DPP6: variants seen among roughly 807,000 people sequenced by gnomAD.
DPP6 encodes the protein dipeptidyl peptidase like 6, also known as A-type potassium channel modulatory protein DPP6.
A neutral mutation model predicts 122.6 loss-of-function variants in DPP6; 69 were observed. The ratio of observed to expected loss-of-function variants is 0.56; its 90% CI spans 0.46 to 0.69. The LOEUF is 0.69. Among genes scored for constraint, DPP6 ranks in the 30% least tolerant of loss-of-function variants. The probability of loss-of-function intolerance (pLI) is 0.00; values close to 1 mark genes in which losing one functional copy is unlikely to be tolerated. For missense variants in DPP6, 928 were observed against 1,116.9 expected (o/e 0.83, Z 2.41); for synonymous variants, 418 against 433.1 (o/e 0.97, Z 0.43).
chr7:153,798,804 C>T, the DPP6 span, among the ~76,000 whole-genome samples: 3 of 152,126 alleles, frequency 2.0e-5, no homozygotes, highest in Admixed American at 6.5e-5. Flanking sequence ...ATTAGACAGT[C>T]CCACTGGGGG....
chr7:154,227,475 A>G (rs112901252), intron 1 of DPP6, among the ~76,000 whole-genome samples: 3 of 152,212 alleles, frequency 2.0e-5, no homozygotes, highest in Admixed American at 6.5e-5. Flanking sequence ...AATAAATTCT[A>G]AAAATCTGTT....
chr7:154,547,045 G>C (rs1332751310), intron 4 of DPP6, among the ~76,000 whole-genome samples: 1 of 152,230 alleles, frequency 6.6e-6, no homozygotes, highest in East Asian at 1.9e-4. Context: ...AGAGCCCAGT[G>C]CACTGTTGAA....
chr7:154,141,078 G>C (rs1305831233), intron 1 of DPP6, among the ~76,000 whole-genome samples: 1 of 152,194 alleles, frequency 6.6e-6, no homozygotes, highest in African/African-American at 2.4e-5. Flanking sequence ...AGGTATGAAG[G>C]CATCATGTAT....
At chr7:153,990,912 ATGTCTCTTC>A (rs1352611472) in intron 1 of DPP6, among the ~76,000 whole-genome samples, 1 of 152,242 alleles carries the variant, frequency 6.6e-6, no homozygotes, top group Non-Finnish European at 1.5e-5. Flanking sequence ...TTCAAATCAT[ATGTCTCTTC>A]TGGGTTATTA....
intron 1 of DPP6, among the ~76,000 whole-genome samples, chr7:154,359,698 C>T (rs1027663197): frequency 4.6e-5 from 7 of 152,106 alleles, no homozygotes; most frequent in African/African-American, 1.7e-4. Context: ...TGAATGAACT[C>T]GTGAATAAAT....
rs1029549071 is a variant in DPP6, at chr7:154,241,181, C to T, written c.243+188118C>T. Among the ~76,000 whole-genome samples, 7 of 40,942 alleles carry T rather than the reference C, an allele frequency of 1.7e-4. No individual in the cohort carries two copies. The South Asian group carries it at 6.8e-3, about 40-fold the overall frequency. The allele number at this position is 40,942 out of a possible 152,430, so 26.9% of individuals were successfully genotyped here. A position where few individuals can be genotyped will look rare whatever the true frequency, so the allele number is the denominator to read the frequency against. On this transcript the variant is annotated intron_variant, in intron 1 of 25. Transcript: ENST00000377770. This position sits in a 1 kb window ranked among gnomAD's most constrained non-coding sequence, Gnocchi z 9.0. ...TGCTGCACAGTAGGTAATTCAATAT[C>T]AATATGTGTGTGTGTGTGTGTGTGT...
At chr7:153,959,211 T>C (rs1332123267) in intron 1 of DPP6, among the ~76,000 whole-genome samples, 1 of 152,040 alleles carries the variant, frequency 6.6e-6, no homozygotes, top group Non-Finnish European at 1.5e-5. Context: ...CTGGGGCTTC[T>C]GACTTCAGCA....
intron 1 of DPP6, among the ~76,000 whole-genome samples, chr7:153,949,907 G>A (rs1339792140): frequency 6.6e-6 from 1 of 152,220 alleles, no homozygotes; most frequent in Non-Finnish European, 1.5e-5. Context: ...GGTCTGGAGG[G>A]TGAGTGGCTA....
intron 8 of DPP6, among the ~76,000 whole-genome samples, chr7:154,747,724 A>G (rs62475815): frequency 0.12 from 17,964 of 152,136 alleles, 1,461 homozygotes; most frequent in Non-Finnish European, 0.18. Context: ...TCTTGCTATG[A>G]CCACCCACCC....
intron 1 of DPP6, among the ~76,000 whole-genome samples, chr7:153,895,763 C>T (rs1016579770): frequency 1.5e-5 from 2 of 137,026 alleles, no homozygotes; most frequent in Admixed American, 7.4e-5. Context: ...CACACACACA[C>T]AATGTTCATA....
At chr7:153,827,713 G>A in the DPP6 span, among the ~76,000 whole-genome samples, 8 of 152,194 alleles carry the variant, frequency 5.3e-5, no homozygotes, top group South Asian at 2.1e-4. Flanking sequence ...AGGAGAAGTC[G>A]ACTGGAGAGC....
chr7:154,238,131 C>T (rs1801340308), intron 1 of DPP6, among the ~76,000 whole-genome samples: 1 of 152,166 alleles, frequency 6.6e-6, no homozygotes, highest in African/African-American at 2.4e-5. Context: ...CACCATCTGC[C>T]AGTGAGAGGA....
At chr7:154,647,848 G>A (rs1235861840) in intron 6 of DPP6, among the ~76,000 whole-genome samples, 1 of 152,158 alleles carries the variant, frequency 6.6e-6, no homozygotes, top group African/African-American at 2.4e-5. Flanking sequence ...CCTGGAGGGT[G>A]GCACTCTTCC....
chr7:154,053,136 G>A, intron 1 of DPP6, 73 bp downstream of exon 1: 1 of 980,428 alleles, frequency 1.0e-6, no homozygotes, highest in Non-Finnish European at 1.2e-6. Context: ...GCGTCGGCAG[G>A]GGAAATTTTT....
At position 154,755,541 on chromosome 7, in the gene DPP6, C is replaced by T. The variant is rs543532463; in HGVS notation, c.884-13876C>T. ...TAATAGTGTCTACCTGGAGTGATTG[C>T]GTTGAGGATTAAATGAGTTAACCCA... On this transcript the variant is annotated intron_variant, in intron 8 of 25. Transcript: ENST00000377770. The surrounding 1 kb of genome is among the most constrained non-coding windows in gnomAD (Gnocchi z 4.7). 2.6e-5 allele frequency among the ~76,000 whole-genome samples: 4 copies of T among 152,216 alleles called. No individual in the cohort carries two copies. Among genetic ancestry groups the T allele is most frequent in the South Asian group, 4.2e-4 (2 of 4,814 alleles).
At chr7:154,496,779 C>T (rs905878803) in intron 3 of DPP6, among the ~76,000 whole-genome samples, 8 of 152,192 alleles carry the variant, frequency 5.3e-5, no homozygotes, top group Non-Finnish European at 1.0e-4. Flanking sequence ...CGAGGCCTTC[C>T]TTAGTGTCAC....
intron 10 of DPP6, among the ~76,000 whole-genome samples, chr7:154,782,371 TC>T (rs1326264986): frequency 6.6e-6 from 1 of 152,230 alleles, no homozygotes; most frequent in Non-Finnish European, 1.5e-5. Flanking sequence ...TCAATATCTC[TC>T]TTCATCTTGG....
rs571891033 is a variant in DPP6, at chr7:154,354,757, AATGTAGCACCAT to A, written c.244-91456_244-91445del. Among the ~76,000 whole-genome samples, 7 of 152,312 alleles carry A rather than the reference AATGTAGCACCAT, an allele frequency of 4.6e-5. No individual in the cohort carries two copies. The South Asian group carries it at 1.5e-3, about 32-fold the overall frequency. On this transcript the variant is annotated intron_variant, in intron 1 of 25. Transcript: ENST00000377770. The stretch of plus-strand genomic sequence containing the variant: ...TTTCTGTAAAGTGTTTTGTTTTAGG[AATGTAGCACCAT>A]TTATTCCTTCTGCTGTTGGTGGATG...
At chr7:154,734,768 G>A (rs1031752258) in intron 8 of DPP6, among the ~76,000 whole-genome samples, 1 of 152,162 alleles carries the variant, frequency 6.6e-6, no homozygotes, top group Non-Finnish European at 1.5e-5. Context: ...GCTTCACCAC[G>A]TAAAAGCTGT....
Sources: allele counts gnomAD v4.1 joint callset (sites outside exome capture counted in the v4.1 genomes callset), GRCh38; gene constraint gnomAD v4.1.1; non-coding constraint Gnocchi (gnomAD v3.1); transcripts MANE v1.5; gene names NCBI Gene and HGNC (gene_info 2026-07-23, HGNC 2026-07-21).